COL5A3: variants seen among roughly 807,000 people sequenced by gnomAD.
The protein encoded by COL5A3 is collagen alpha-3(V) chain.
A neutral mutation model predicts 250.0 loss-of-function variants in COL5A3; 172 were observed. The ratio of observed to expected loss-of-function variants is 0.69; its 90% confidence interval spans 0.61 to 0.78. The LOEUF (loss-of-function observed/expected upper bound fraction) is 0.78. Ranked by LOEUF, COL5A3 falls within the 30% of genes least tolerant of loss-of-function variation. COL5A3 has a pLI of 0.00. For missense variants in COL5A3, 2,340 were observed against 2,334.4 expected, an observed-to-expected ratio of 1.00 and a Z score of -0.05; for synonymous variants, 937 against 900.4, an observed-to-expected ratio of 1.04 and a Z score of -0.73.
chr19:9,996,791 G>GAT, intron 11 of COL5A3, 102 bp from the exon 12 acceptor site: 1 of 817,802 alleles, frequency 1.2e-6, no homozygotes, highest in Non-Finnish European at 1.9e-6. Flanking sequence ...GAGAGAGAGA[G>GAT]GGAGAGATGG....
intron 37 of COL5A3, 128 bp downstream of exon 37, chr19:9,979,710 TG>T: frequency 1.1e-6 from 1 of 910,018 alleles, no homozygotes; most frequent in Non-Finnish European, 1.7e-6. Flanking sequence ...TGCTTGAACC[TG>T]GGAGGCAAAG....
intron 4 of COL5A3, 43 bp from the exon 5 acceptor site, chr19:10,004,188 G>C (rs1298925310): frequency 2.7e-6 from 4 of 1,456,098 alleles, no homozygotes; most frequent in Non-Finnish European, 3.9e-6. Context: ...CAGCCATACA[G>C]CCATAGGCTT....
chr19:9,987,180 T>C (rs1013171527), intron 27 of COL5A3, among the ~76,000 whole-genome samples: 4 of 152,188 alleles, frequency 2.6e-5, no homozygotes, highest in Non-Finnish European at 5.9e-5. Context: ...TTAGTTCAAG[T>C]CTGGATGCTG....
At position 9,973,800 on chromosome 19, in the gene COL5A3, C is replaced by A. The variant is rs2145077432; in HGVS notation, c.3568G>T (p.Gly1190Trp). The A allele has an allele frequency of 6.2e-7, 1 of 1,614,008 alleles. No individual in the cohort carries two copies. The highest frequency in any genetic ancestry group is 1.7e-4 in the Middle Eastern group (1 of 6,060). ...GGCTGACCAACTCCTCCAGGCAGCCCTGGAGTGCCCTGGAGAGACAGCAAG... is the reference window on the plus strand; with the variant it reads ...GGCTGACCAACTCCTCCAGGCAGCCATGGAGTGCCCTGGAGAGACAGCAAG... ...QGPTGSEGTP[G>W]LPGGVGQPGA... Residue 1190 changes from glycine to tryptophan, a missense_variant, in exon 49 of 67, where the codon GGG (glycine) becomes TGG (tryptophan). Coordinates refer to ENST00000264828, the MANE Select transcript of COL5A3 (RefSeq NM_015719.4).
At chr19:9,992,785 A>G in intron 21 of COL5A3, 42 bp downstream of exon 21, 1 of 1,603,862 alleles carries the variant, frequency 6.2e-7, no homozygotes, top group Non-Finnish European at 8.5e-7. Flanking sequence ...CTCAAAACAA[A>G]CAAAAAGACA....
intron 53 of COL5A3, 62 bp from the exon 54 acceptor site, chr19:9,970,737 A>G: frequency 7.5e-6 from 10 of 1,330,496 alleles, no homozygotes; most frequent in Admixed American, 3.6e-5. Context: ...TGACTGTTTT[A>G]GGACGCCTTG....
In COL5A3 at chr19:9,968,787, G is replaced by T; in HGVS notation, c.4153-59C>A. On this transcript the variant is annotated intron_variant, in intron 57 of 66. Transcript: ENST00000264828. This position sits in a 1 kb window ranked among gnomAD's most constrained non-coding sequence, Gnocchi z 4.1. ...CAAATGTGAACTCGAGGTCTGTGTG[G>T]GTGGTTAGGGGATGGTCAAATGGGA... 1 of 1,432,764 alleles carries T rather than the reference G, an allele frequency of 7.0e-7. No homozygotes were observed. Among genetic ancestry groups the T allele is most frequent in the Non-Finnish European group, 9.7e-7 (1 of 1,033,198 alleles). The allele number at this position is 1,432,764 out of a possible 1,614,324, so 88.8% of individuals were successfully genotyped here.
intron 31 of COL5A3, among the ~76,000 whole-genome samples, chr19:9,982,678 A>C (rs1192606685): frequency 1.3e-5 from 2 of 152,080 alleles, no homozygotes; most frequent in Non-Finnish European, 2.9e-5. Flanking sequence ...ACCTGGGGGA[A>C]GACATCACAG....
chr19:9,968,299 C>T lies in COL5A3; in HGVS notation c.4314+86G>A. On this transcript the variant is annotated intron_variant, in intron 59 of 66. Transcript: ENST00000264828. The surrounding 1 kb of genome is among the most constrained non-coding windows in gnomAD (Gnocchi z 4.1). ...CACACACACCCTCATTAATCCAGAC[C>T]CACGTTTCCCAGACCCCACACCCAC... 1 of 1,190,756 alleles carries T rather than the reference C, an allele frequency of 8.4e-7. No homozygotes were observed. The highest frequency in any genetic ancestry group is 1.2e-6 in the Non-Finnish European group (1 of 823,276). The allele number at this position is 1,190,756 out of a possible 1,614,324, so 73.8% of individuals were successfully genotyped here. A position where few individuals can be genotyped will look rare whatever the true frequency, so the allele number is the denominator to read the frequency against.
intron 64 of COL5A3, 83 bp from the exon 65 acceptor site, chr19:9,962,970 A>G (rs1400376469): frequency 8.8e-6 from 9 of 1,023,690 alleles, no homozygotes; most frequent in Non-Finnish European, 1.3e-5. Context: ...CTCACACAGT[A>G]GGCTGTTGTG....
chr19:9,971,400 A>C, intron 51 of COL5A3, 142 bp from the exon 52 acceptor site: 1 of 660,428 alleles, frequency 1.5e-6, no homozygotes, highest in Non-Finnish European at 2.5e-6. Context: ...GGCTTGGTAG[A>C]GCGAACATTC....
At chr19:9,998,239 C>A in intron 8 of COL5A3, 90 bp from the exon 9 acceptor site, 1 of 1,158,106 alleles carries the variant, frequency 8.6e-7, no homozygotes, top group South Asian at 1.5e-5. Context: ...CTTGCACACA[C>A]ACACACACAC....
At chr19:9,969,762 C>G in intron 55 of COL5A3, 80 bp from the exon 56 acceptor site, 2 of 1,570,338 alleles carry the variant, frequency 1.3e-6, no homozygotes, top group Non-Finnish European at 8.7e-7. Flanking sequence ...CATCTGGGAT[C>G]GGGAGGGAGT....
Position 9,980,707 on chromosome 19 carries a change from A to T in COL5A3, c.2560-15T>A, listed in dbSNP as rs1186539810. ...CCCACATCGCCCTAGGACAGAGTGAATGAGACTCAGGCCCCAGAACAAACT... is the reference window on the plus strand; with the variant it reads ...CCCACATCGCCCTAGGACAGAGTGATTGAGACTCAGGCCCCAGAACAAACT... On this transcript the variant is annotated splice_polypyrimidine_tract_variant and intron_variant, in intron 34 of 66. Transcript: ENST00000264828. The T allele has an allele frequency of 1.2e-6, 2 of 1,614,076 alleles. No homozygotes were observed. Among genetic ancestry groups the T allele is most frequent in the East Asian group, 4.5e-5 (2 of 44,876 alleles).
Position 9,985,786 on chromosome 19 carries a change from G to A in COL5A3, c.2406+56C>T, listed in dbSNP as rs373050641. The A allele has an allele frequency of 1.4e-5, 21 of 1,492,168 alleles. No individual in the cohort carries two copies. The African/African-American group carries it at 2.2e-4, about 16-fold the overall frequency. The allele number at this position is 1,492,168 out of a possible 1,614,324, so 92.4% of individuals were successfully genotyped here. Reference sequence around the variant, plus strand: ...AAGACCACAGCCTGGACCCCCAGATGTTAGTCTCTGAATCCTGCCCATATC... The same window carrying A: ...AAGACCACAGCCTGGACCCCCAGATATTAGTCTCTGAATCCTGCCCATATC... On this transcript the variant is annotated intron_variant, in intron 31 of 66. Transcript: ENST00000264828.
At chr19:9,961,853 T>C (rs1226161680) in intron 65 of COL5A3, among the ~76,000 whole-genome samples, 1 of 151,760 alleles carries the variant, frequency 6.6e-6, no homozygotes, top group Non-Finnish European at 1.5e-5. Flanking sequence ...CCACTGTGCC[T>C]GGCCCTGAAT....
At chr19:9,997,073 C>A in intron 11 of COL5A3, 1 of 547,346 alleles carries the variant, frequency 1.8e-6, no homozygotes, top group Non-Finnish European at 3.2e-6. Flanking sequence ...GGGACAGAGA[C>A]CAACAGAGAG....
chr19:9,979,491 T>A, intron 37 of COL5A3, 74 bp from the exon 38 acceptor site: 1 of 1,512,966 alleles, frequency 6.6e-7, no homozygotes, highest in Non-Finnish European at 9.2e-7. Flanking sequence ...AGGGAAGGCC[T>A]GATAGGATCA....
chr19:9,985,030 C>A lies in COL5A3; in HGVS notation c.2406+812G>T, dbSNP rs190631884. Among the ~76,000 whole-genome samples the A allele has an allele frequency of 2.5e-3, 374 of 146,960 alleles. 4 individuals are homozygous for A. The highest frequency in any genetic ancestry group is 4.1e-3 in the Non-Finnish European group (275 of 67,420). On this transcript the variant is annotated intron_variant, in intron 31 of 66. Coordinates refer to ENST00000264828, the MANE Select transcript of COL5A3 (RefSeq NM_015719.4). ...GTGGTGAGATCTTGGCTCACTGCAA[C>A]CTCTGCCTCCTGGGGTCAAACAATT...
Sources: allele counts gnomAD v4.1 joint callset (sites outside exome capture counted in the v4.1 genomes callset), GRCh38; gene constraint gnomAD v4.1.1; non-coding constraint Gnocchi (gnomAD v3.1); transcripts MANE v1.5; gene names NCBI Gene and HGNC (gene_info 2026-07-23, HGNC 2026-07-21).